The following SSBP3 variants were observed in gnomAD, a reference collection of about 807,000 sequenced individuals.
SSBP3 encodes the protein single stranded DNA binding protein 3, also known as single-stranded DNA-binding protein 3.
In SSBP3, 5 loss-of-function variants were observed where a neutral mutation model predicts 69.6. That is an observed-to-expected ratio of 0.07 (90% CI 0.04 to 0.15). The LOEUF (loss-of-function observed/expected upper bound fraction) is 0.15. SSBP3 is among the 10% of genes least tolerant of loss of function. The pLI is 1.00. For synonymous variants in SSBP3, 196 were observed against 193.4 expected, an observed-to-expected ratio of 1.01 and a Z score of -0.11; for missense variants, 312 against 534.0, an observed-to-expected ratio of 0.58 and a Z score of 4.10.
chr1:54,243,221 C>T lies in SSBP3; in HGVS notation c.716+14G>A, dbSNP rs769158595. On this transcript the variant is annotated intron_variant, in intron 10 of 17. Transcript: ENST00000610401. Reference sequence around the variant, plus strand: ...CTGGACTCTGAGCCACGGGCCGGGTCGTTTTTGCCTTACATGTTAATCCCG... The same window carrying T: ...CTGGACTCTGAGCCACGGGCCGGGTTGTTTTTGCCTTACATGTTAATCCCG... The T allele has an allele frequency of 6.2e-6, 10 of 1,613,308 alleles. No individual in the cohort carries two copies. The highest frequency in any genetic ancestry group is 2.2e-5 in the South Asian group (2 of 91,036).
At chr1:54,317,533 A>C (rs79124121) in intron 4 of SSBP3, among the ~76,000 whole-genome samples, 1 of 142,246 alleles carries the variant, frequency 7.0e-6, no homozygotes, top group Non-Finnish European at 1.5e-5. Flanking sequence ...CGAGACTCTC[A>C]AAAAAAAAAA....
chr1:54,276,608 C>CACAAGAAA (rs1553129772), intron 5 of SSBP3, among the ~76,000 whole-genome samples: 1 of 35,224 alleles, frequency 2.8e-5, no homozygotes, highest in Non-Finnish European at 4.7e-5. Context: ...GACTCTGTCT[C>CACAAGAAA]AAAAAAAAAA....
chr1:54,290,916 A>G (rs1645593796), intron 4 of SSBP3, among the ~76,000 whole-genome samples: 1 of 152,152 alleles, frequency 6.6e-6, no homozygotes, highest in Non-Finnish European at 1.5e-5. Flanking sequence ...AGTTTACACC[A>G]TTAGCAAAAC....
At chr1:54,403,537 G>A (rs1649457759) in intron 3 of SSBP3, among the ~76,000 whole-genome samples, 1 of 152,126 alleles carries the variant, frequency 6.6e-6, no homozygotes, top group African/African-American at 2.4e-5. Context: ...ATGCCTCCAA[G>A]ACCGGCAGTT....
intron 4 of SSBP3, among the ~76,000 whole-genome samples, chr1:54,374,430 G>C (rs544923057): frequency 6.6e-6 from 1 of 152,310 alleles, no homozygotes; most frequent in South Asian, 2.1e-4. Flanking sequence ...ACTTTCTTGA[G>C]GCCCTGCTGG....
chr1:54,360,936 A>G (rs1043903359), intron 4 of SSBP3, among the ~76,000 whole-genome samples: 25 of 150,924 alleles, frequency 1.7e-4, no homozygotes, highest in Non-Finnish European at 2.8e-4. Flanking sequence ...AAAAAAAAAA[A>G]TCTGCCAGAT....
intron 3 of SSBP3, among the ~76,000 whole-genome samples, chr1:54,402,443 G>A (rs967806698): frequency 2.6e-5 from 4 of 152,082 alleles, no homozygotes; most frequent in East Asian, 1.9e-4. Flanking sequence ...CATATATGCC[G>A]CGATTTGGAA....
At chr1:54,372,526 C>A (rs1055151560) in intron 4 of SSBP3, among the ~76,000 whole-genome samples, 7 of 152,220 alleles carry the variant, frequency 4.6e-5, no homozygotes, top group African/African-American at 1.4e-4. Context: ...CTGACCACCA[C>A]CTACCTTGTC....
intron 4 of SSBP3, among the ~76,000 whole-genome samples, chr1:54,283,463 G>A (rs1446289034): frequency 2.6e-5 from 4 of 152,156 alleles, no homozygotes; most frequent in South Asian, 4.1e-4. Flanking sequence ...CAAGCCACTC[G>A]GACTTTCTGA....
intron 4 of SSBP3, among the ~76,000 whole-genome samples, chr1:54,309,217 G>C (rs1008501189): frequency 1.3e-5 from 2 of 152,180 alleles, no homozygotes; most frequent in Non-Finnish European, 2.9e-5. Context: ...CCTGCCCTCT[G>C]GTCTTGGACT....
chr1:54,406,548 CCCGCTGCGGCCGCCTCCGCGGAG>C (rs1231639227), upstream of SSBP3: 1 of 151,926 alleles, frequency 6.6e-6, no homozygotes, highest in African/African-American at 2.4e-5. Flanking sequence ...CGCGGCAGTC[CCCGCTGCGGCCGCCTCCGCGGAG>C]CCGCTGCCTG....
chr1:54,305,792 T>TG (rs1645889761), intron 4 of SSBP3, among the ~76,000 whole-genome samples: 1 of 150,282 alleles, frequency 6.7e-6, no homozygotes, highest in South Asian at 2.2e-4. Flanking sequence ...ACGCCATAGG[T>TG]GGAAAGAAAC....
chr1:54,355,398 G>A (rs1348319277), intron 4 of SSBP3, among the ~76,000 whole-genome samples: 1 of 152,280 alleles, frequency 6.6e-6, no homozygotes, highest in East Asian at 1.9e-4. Flanking sequence ...CGCCCAGGCT[G>A]GAGTACAGTG....
At chr1:54,347,719 T>C (rs916641167) in intron 4 of SSBP3, among the ~76,000 whole-genome samples, 92 of 152,154 alleles carry the variant, frequency 6.0e-4, no homozygotes, top group African/African-American at 2.1e-3. Flanking sequence ...GGAGGTGCCA[T>C]GTGATGGCAG....
intron 4 of SSBP3, among the ~76,000 whole-genome samples, chr1:54,380,958 A>G (rs1158623956): frequency 6.7e-6 from 1 of 148,900 alleles, no homozygotes; most frequent in Non-Finnish European, 1.5e-5. Flanking sequence ...CCCCTCTACA[A>G]AAAAAAAAAA....
intron 9 of SSBP3, among the ~76,000 whole-genome samples, chr1:54,244,673 C>T (rs1038223920): frequency 6.6e-6 from 1 of 152,210 alleles, no homozygotes; most frequent in Non-Finnish European, 1.5e-5. Flanking sequence ...CGCATCTCTT[C>T]CTATATAACC....
intron 4 of SSBP3, among the ~76,000 whole-genome samples, chr1:54,319,760 A>G (rs1207702242): frequency 6.9e-6 from 1 of 145,660 alleles, no homozygotes; most frequent in South Asian, 2.2e-4. Context: ...AGGTTTAAAG[A>G]AAAAAAAAAG....
chr1:54,251,471 G>T, intron 9 of SSBP3, 145 bp downstream of exon 9: 1 of 917,052 alleles, frequency 1.1e-6, no homozygotes, highest in Non-Finnish European at 1.7e-6. Flanking sequence ...ACAGGAAGCG[G>T]ACAGGAGCAG....
intron 4 of SSBP3, among the ~76,000 whole-genome samples, chr1:54,332,741 TA>T (rs145243761): frequency 6.6e-6 from 1 of 151,550 alleles, no homozygotes. Context: ...GGGAGAAAGA[TA>T]AAAAAAACGG....
Sources: gnomAD v4.1 joint callset for allele counts (sites outside exome capture counted in the v4.1 genomes callset) on GRCh38, gnomAD v4.1.1 for gene constraint, MANE v1.5 for transcripts, NCBI Gene and HGNC (gene_info 2026-07-23, HGNC 2026-07-21) for gene names.